ME1: variants seen among roughly 807,000 people sequenced by gnomAD.
The protein encoded by ME1 is NADP-dependent malic enzyme.
Under a neutral mutation model 66.4 loss-of-function variants are expected in ME1, and 74 were observed. That is an observed-to-expected ratio of 1.11 (90% CI 0.92 to 1.35). ME1 has a LOEUF of 1.35. Among genes scored for constraint, ME1 ranks in the 40% most tolerant of loss-of-function variants. The pLI is 0.00. For missense variants in ME1, 750 were observed against 694.1 expected (o/e 1.08, Z -0.90); for synonymous variants, 251 against 235.6 (o/e 1.07, Z -0.60).
intron 2 of ME1, among the ~76,000 whole-genome samples, chr6:83,400,059 T>C (rs1190482646): frequency 6.6e-6 from 1 of 152,210 alleles, no homozygotes; most frequent in East Asian, 1.9e-4. Context: ...ACTTCCAATC[T>C]ATCATATTCT....
intron 4 of ME1, among the ~76,000 whole-genome samples, chr6:83,350,668 G>C (rs1300857694): frequency 3.9e-5 from 6 of 151,974 alleles, no homozygotes; most frequent in Non-Finnish European, 8.8e-5. Flanking sequence ...ATTTTTTCTA[G>C]AAATGGAGTC....
chr6:83,405,822 C>T lies in ME1; in HGVS notation c.212+1946G>A, dbSNP rs543243508. On this transcript the variant is annotated intron_variant, in intron 2 of 13. Coordinates refer to ENST00000369705, the MANE Select transcript of ME1 (RefSeq NM_002395.6). ...CTGCAAGCTCCGCCTCCCGGGTTCA[C>T]GCCATTCTCCTGCCTCAGCCTCCCA... is the stretch of plus-strand genomic sequence containing the variant. 9.6e-4 allele frequency among the ~76,000 whole-genome samples: 144 copies of T among 149,266 alleles called. 1 individual carries two copies. The East Asian group carries it at 0.024, about 25-fold the overall frequency.
chr6:83,404,037 G>A (rs1370130253), intron 2 of ME1, among the ~76,000 whole-genome samples: 1 of 152,124 alleles, frequency 6.6e-6, no homozygotes, highest in African/African-American at 2.4e-5. Context: ...GTATTGTGGG[G>A]TCAAATGGTG....
chr6:83,278,918 A>C (rs1368313377), intron 6 of ME1, among the ~76,000 whole-genome samples: 1 of 152,208 alleles, frequency 6.6e-6, no homozygotes, highest in East Asian at 1.9e-4. Context: ...CTGGGCTTTC[A>C]AATGGAGGAA....
chr6:83,235,705 C>T (rs1411344302), intron 9 of ME1, among the ~76,000 whole-genome samples: 2 of 152,028 alleles, frequency 1.3e-5, no homozygotes, highest in Admixed American at 6.6e-5. Context: ...ATCTCCTGAC[C>T]TCGTGATCCA....
At chr6:83,316,598 A>G (rs1368018031) in intron 5 of ME1, among the ~76,000 whole-genome samples, 2 of 152,112 alleles carry the variant, frequency 1.3e-5, no homozygotes, top group African/African-American at 4.8e-5. Flanking sequence ...AAAAAGAAAG[A>G]AATATAGATT....
At chr6:83,422,444 A>T (rs1274341617) in intron 1 of ME1, among the ~76,000 whole-genome samples, 2 of 152,224 alleles carry the variant, frequency 1.3e-5, no homozygotes, top group Non-Finnish European at 2.9e-5. Flanking sequence ...AGAATAGATT[A>T]AAAAATCACT....
intron 3 of ME1, among the ~76,000 whole-genome samples, chr6:83,377,153 T>G (rs1769311155): frequency 6.6e-6 from 1 of 152,210 alleles, no homozygotes; most frequent in Non-Finnish European, 1.5e-5. Flanking sequence ...TTGAAAAATC[T>G]TGGTAAAGAC....
chr6:83,407,154 T>G (rs1769961188), intron 2 of ME1, among the ~76,000 whole-genome samples: 1 of 152,032 alleles, frequency 6.6e-6, no homozygotes, highest in South Asian at 2.1e-4. Context: ...TGAAAAAAAC[T>G]AAGGTCTACA....
intron 6 of ME1, among the ~76,000 whole-genome samples, chr6:83,301,217 G>A (rs961286132): frequency 2.0e-5 from 3 of 151,806 alleles, no homozygotes; most frequent in African/African-American, 7.3e-5. Context: ...AGTAGGCAAA[G>A]GAAAACAAAT....
chr6:83,418,892 AT>A (rs138908734), intron 1 of ME1, among the ~76,000 whole-genome samples: 5,783 of 152,298 alleles, frequency 0.038, 357 homozygotes, highest in African/African-American at 0.13. Flanking sequence ...TCAAAATGCA[AT>A]CTGAAGGATG....
At chr6:83,237,164 C>A (rs923232962) in intron 9 of ME1, among the ~76,000 whole-genome samples, 6 of 148,768 alleles carry the variant, frequency 4.0e-5, no homozygotes, top group African/African-American at 1.5e-4. Context: ...CACTGCACTC[C>A]AGCCTGAGTG....
intron 6 of ME1, among the ~76,000 whole-genome samples, chr6:83,303,273 C>T (rs946599472): frequency 2.6e-5 from 4 of 152,076 alleles, no homozygotes; most frequent in African/African-American, 7.2e-5. Context: ...TTATTCTTTG[C>T]GAAGTTAATT....
chr6:83,271,254 A>G (rs1182271779), intron 6 of ME1, among the ~76,000 whole-genome samples: 2 of 152,196 alleles, frequency 1.3e-5, no homozygotes, highest in South Asian at 2.1e-4. Context: ...ATAAAAATTT[A>G]AAAACAAAGT....
At chr6:83,335,246 G>A (rs373224039) in intron 5 of ME1, among the ~76,000 whole-genome samples, 1 of 15,956 alleles carries the variant, frequency 6.3e-5, no homozygotes, top group African/African-American at 2.9e-4. Flanking sequence ...GAAATGAAGC[G>A]AGAAGGGAAG....
chr6:83,395,627 C>T (rs568210375), intron 3 of ME1, among the ~76,000 whole-genome samples: 1 of 151,556 alleles, frequency 6.6e-6, no homozygotes, highest in Non-Finnish European at 1.5e-5. Flanking sequence ...AGGCACATGC[C>T]ACCATGCCCA....
intron 6 of ME1, among the ~76,000 whole-genome samples, chr6:83,275,859 G>A (rs1227483754): frequency 8.1e-6 from 1 of 124,086 alleles, no homozygotes; most frequent in African/African-American, 3.1e-5. Context: ...TGCAACCTCC[G>A]CCTCCCGGGT....
chr6:83,266,546 C>T (rs1766994003), intron 6 of ME1, among the ~76,000 whole-genome samples: 1 of 152,056 alleles, frequency 6.6e-6, no homozygotes, highest in Admixed American at 6.6e-5. Context: ...TAATTAAATG[C>T]CAGTATTATT....
rs1035733187 is a variant in ME1 at position 83,350,280 on chromosome 6, C to T, written c.438+1784G>A. Reference sequence around the variant, plus strand: ...TAGGGATAAGAACATCAGTAAGGGCCCAATATTAAGAGTCCAAAGGATAAA... The same window carrying T: ...TAGGGATAAGAACATCAGTAAGGGCTCAATATTAAGAGTCCAAAGGATAAA... On this transcript the variant is annotated intron_variant, in intron 4 of 13. Coordinates refer to ENST00000369705, the MANE Select transcript of ME1 (RefSeq NM_002395.6). Among the ~76,000 whole-genome samples the T allele has an allele frequency of 2.6e-5, 4 of 151,774 alleles. No homozygotes were observed. The East Asian group carries it at 7.7e-4, about 29-fold the overall frequency.
Sources: allele counts gnomAD v4.1 joint callset (sites outside exome capture counted in the v4.1 genomes callset), GRCh38; gene constraint gnomAD v4.1.1; transcripts MANE v1.5; gene names NCBI Gene and HGNC (gene_info 2026-07-23, HGNC 2026-07-21).